The following JAML variants were observed in gnomAD, a reference collection of about 807,000 sequenced individuals.
The protein encoded by JAML is junctional adhesion molecule-like.
Under a neutral mutation model 39.3 loss-of-function variants are expected in JAML, and 25 were observed. The observed-to-expected ratio is 0.64, with a 90% CI of 0.46 to 0.89. The LOEUF is 0.89. Among genes scored for constraint, JAML ranks in the 40% least tolerant of loss-of-function variants. The pLI is 0.00. For synonymous variants in JAML, 162 were observed against 179.2 expected (o/e 0.90, Z 0.77); for missense variants, 440 against 486.9 (o/e 0.90, Z 0.91).
At chr11:118,206,772 A>G (rs1180469626) in intron 4 of JAML, among the ~76,000 whole-genome samples, 1 of 152,130 alleles carries the variant, frequency 6.6e-6, no homozygotes, top group South Asian at 2.1e-4. Context: ...CTGACCCACC[A>G]TATGTTTATT....
intron 7 of JAML, among the ~76,000 whole-genome samples, chr11:118,199,677 C>CATTATT (rs878995585): frequency 1.3e-4 from 17 of 135,686 alleles, no homozygotes; most frequent in South Asian, 4.6e-4. Context: ...TTTAAAAGCA[C>CATTATT]ATTATTATTA....
intron 6 of JAML, chr11:118,203,179 A>T: frequency 1.6e-6 from 1 of 638,704 alleles, no homozygotes; most frequent in Non-Finnish European, 2.9e-6. Context: ...GAGGATTGGT[A>T]TTCACTAAAT....
At position 118,222,360 on chromosome 11, in the gene JAML, C is replaced by T. The variant is rs758901905; in HGVS notation, c.-21+2581G>A. On this transcript the variant is annotated intron_variant, in intron 1 of 9. Transcript: ENST00000356289. This position sits in a 1 kb window ranked among gnomAD's most constrained non-coding sequence, Gnocchi z 4.2. ...ACTTGAGCCCAGGAGGCTGAGGCTGCAGCGAGTTGTGATCGCACCACTGCA... is the reference window on the plus strand; with the variant it reads ...ACTTGAGCCCAGGAGGCTGAGGCTGTAGCGAGTTGTGATCGCACCACTGCA... Among the ~76,000 whole-genome samples the T allele has an allele frequency of 1.7e-4, 26 of 152,054 alleles. No individual in the cohort carries two copies. Among genetic ancestry groups the T allele is most frequent in the South Asian group, 4.2e-4 (2 of 4,818 alleles).
chr11:118,212,563 TA>T lies in JAML; in HGVS notation c.44-3del. 6.2e-7 allele frequency: 1 copy of T among 1,613,740 alleles called. No individual in the cohort carries two copies. Among genetic ancestry groups the T allele is most frequent in the South Asian group, 1.1e-5 (1 of 91,088 alleles). On this transcript the variant is annotated splice_region_variant and splice_polypyrimidine_tract_variant and intron_variant, in intron 2 of 9. Coordinates refer to ENST00000356289, the MANE Select transcript of JAML (RefSeq NM_001098526.2). ...AGTCATTCAGGCCCAAGGAATAATC[TA>T]TAGAAGTCAAAGGCAAGAGGACACA... is the stretch of plus-strand genomic sequence containing the variant.
chr11:118,213,213 C>G, intron 2 of JAML: 1 of 1,311,656 alleles, frequency 7.6e-7, no homozygotes, highest in Non-Finnish European at 9.7e-7. Flanking sequence ...CTATGTTGCT[C>G]AAGCAATTTC....
At chr11:118,216,353 A>T in intron 1 of JAML, among the ~76,000 whole-genome samples, 1 of 147,838 alleles carries the variant, frequency 6.8e-6, no homozygotes, top group East Asian at 1.9e-4. Flanking sequence ...TGGGCGACAG[A>T]GCGAGACTCT....
chr11:118,220,762 ATGGCCAGGC>A (rs930512307), intron 1 of JAML, among the ~76,000 whole-genome samples: 5 of 152,214 alleles, frequency 3.3e-5, no homozygotes, highest in African/African-American at 9.6e-5. Flanking sequence ...CTCAGTGCAG[ATGGCCAGGC>A]CACTGGAAGG....
chr11:118,205,800 T>C, intron 5 of JAML, 82 bp downstream of exon 5: 1 of 1,311,264 alleles, frequency 7.6e-7, no homozygotes. Flanking sequence ...TTGCAACACC[T>C]CCTCATGTGC....
intron 1 of JAML, among the ~76,000 whole-genome samples, chr11:118,219,008 C>G (rs760238890): frequency 6.6e-6 from 1 of 152,172 alleles, no homozygotes; most frequent in African/African-American, 2.4e-5. Context: ...GGTTCTTTCA[C>G]AGTATAAATT....
In JAML at chr11:118,194,956, G is replaced by C. The variant is rs1327943242; in HGVS notation, c.1093-539C>G. Among the ~76,000 whole-genome samples the C allele has an allele frequency of 2.0e-5, 3 of 152,292 alleles. No homozygotes were observed. In the East Asian group the frequency reaches 5.8e-4, roughly 29 times the overall value. On this transcript the variant is annotated intron_variant, in intron 9 of 9. Coordinates refer to ENST00000356289, the MANE Select transcript of JAML (RefSeq NM_001098526.2). Reference sequence around the variant, plus strand: ...GCCAGCCTTTGAGTTTGCAGCCCAGGCCTCTTCTCTTACTCTATTGGATCT... The same window carrying C: ...GCCAGCCTTTGAGTTTGCAGCCCAGCCCTCTTCTCTTACTCTATTGGATCT...
At chr11:118,219,331 C>T (rs1949184370) in intron 1 of JAML, among the ~76,000 whole-genome samples, 1 of 152,172 alleles carries the variant, frequency 6.6e-6, no homozygotes, top group Admixed American at 6.5e-5. Flanking sequence ...GGTAGGAATG[C>T]AAACTAGTAC....
intron 2 of JAML, 23 bp from the exon 3 acceptor site, chr11:118,212,584 G>A (rs769623378): frequency 6.2e-7 from 1 of 1,611,932 alleles, no homozygotes; most frequent in African/African-American, 1.3e-5. Flanking sequence ...AAGGCAAGAG[G>A]ACACATCATT....
At chr11:118,198,260 C>T (rs1403368549) in intron 7 of JAML, among the ~76,000 whole-genome samples, 169 bp from the exon 8 acceptor site, 5 of 152,176 alleles carry the variant, frequency 3.3e-5, no homozygotes, top group South Asian at 2.1e-4. Flanking sequence ...ACCTGAGAAG[C>T]GCATCTCTTC....
At chr11:118,212,307 A>T in intron 3 of JAML, 100 bp downstream of exon 3, 1 of 1,441,156 alleles carries the variant, frequency 6.9e-7, no homozygotes, top group Non-Finnish European at 9.3e-7. Flanking sequence ...GGCTCTTGCA[A>T]CACCTCCTGG....
chr11:118,213,980 T>C (rs1949107151), intron 2 of JAML, among the ~76,000 whole-genome samples: 1 of 152,246 alleles, frequency 6.6e-6, no homozygotes, highest in African/African-American at 2.4e-5. Flanking sequence ...GTACACACTC[T>C]GGATTGCCTG....
At chr11:118,221,642 G>T (rs1295969677) in intron 1 of JAML, among the ~76,000 whole-genome samples, 1 of 152,206 alleles carries the variant, frequency 6.6e-6, no homozygotes, top group Admixed American at 6.5e-5. Flanking sequence ...ACAGGCCATG[G>T]ACCAGTGCCA....
intron 1 of JAML, chr11:118,223,996 C>T: frequency 6.6e-6 from 1 of 151,104 alleles, no homozygotes; most frequent in East Asian, 1.9e-4. Flanking sequence ...TTCTTTTACT[C>T]ACAGAGTGTT....
At chr11:118,223,566 G>C (rs1193031778) in intron 1 of JAML, among the ~76,000 whole-genome samples, 1 of 152,124 alleles carries the variant, frequency 6.6e-6, no homozygotes, top group African/African-American at 2.4e-5. Context: ...AAGGAGGAGA[G>C]AGGAAATAGA....
intron 9 of JAML, among the ~76,000 whole-genome samples, chr11:118,195,796 G>T (rs1948640347): frequency 6.6e-6 from 1 of 152,212 alleles, no homozygotes; most frequent in African/African-American, 2.4e-5. Flanking sequence ...CACAATACTT[G>T]CCCAAGGATC....
Sources: gnomAD v4.1 joint callset for allele counts (sites outside exome capture counted in the v4.1 genomes callset) on GRCh38, gnomAD v4.1.1 for gene constraint, Gnocchi (gnomAD v3.1) non-coding constraint, MANE v1.5 for transcripts, NCBI Gene and HGNC (gene_info 2026-07-23, HGNC 2026-07-21) for gene names.